PEX1: variants seen among roughly 807,000 people sequenced by gnomAD.
The protein encoded by PEX1 is peroxisomal ATPase PEX1.
PEX1 carries 97 observed loss-of-function variants against 152.5 expected under a neutral mutation model. That is an observed-to-expected ratio of 0.64 (90% confidence interval 0.54 to 0.75). The LOEUF (loss-of-function observed/expected upper bound fraction) is 0.75. Ranked by LOEUF, PEX1 falls within the 30% of genes least tolerant of loss-of-function variation. The pLI is 0.00. For synonymous variants in PEX1, 485 were observed against 531.6 expected (o/e 0.91, Z 1.21); for missense variants, 1,357 against 1,516.3 (o/e 0.89, Z 1.74).
chr7:92,515,723 G>A lies in PEX1; in HGVS notation c.1239+1553C>T, dbSNP rs147557377. 7.3e-3 allele frequency among the ~76,000 whole-genome samples: 1,113 copies of A among 152,328 alleles called. 16 individuals carry two copies. Among genetic ancestry groups the A allele is most frequent in the African/African-American group, 0.025 (1,057 of 41,560 alleles). ...AAATAATGATCTGAGGCCAGGCACA[G>A]TGGCTCACGCCTGTAATCCCAGCAC... On this transcript the variant is annotated intron_variant, in intron 5 of 23. Transcript: ENST00000248633.
rs1325849353 is a variant in PEX1 at position 92,495,334 on chromosome 7, A to G, written c.2784-705T>C. Among the ~76,000 whole-genome samples the G allele has an allele frequency of 2.1e-4, 32 of 152,300 alleles. No homozygotes were observed. The East Asian group carries it at 6.0e-3, about 28-fold the overall frequency. The stretch of plus-strand genomic sequence containing the variant: ...GTCACGGTGATTGAAAAAAATCAAC[A>G]GCTATCTCATTAAATGCATGGCAAG... On this transcript the variant is annotated intron_variant, in intron 17 of 23. Coordinates refer to ENST00000248633, the MANE Select transcript of PEX1 (RefSeq NM_000466.3).
chr7:92,520,899 G>A (rs1009753874), intron 2 of PEX1, among the ~76,000 whole-genome samples: 1 of 152,218 alleles, frequency 6.6e-6, no homozygotes, highest in Non-Finnish European at 1.5e-5. Context: ...CCATTCTGAG[G>A]ATGGGACTGG....
At position 92,518,950 on chromosome 7, in the gene PEX1, G is replaced by A. The variant is rs750758799; in HGVS notation, c.357+45C>T. ...AAGCTAAAGACATTGATATTGTGAAGTAATTTAACCTTAAATGAGATAGTT... is the reference window on the plus strand; with the variant it reads ...AAGCTAAAGACATTGATATTGTGAAATAATTTAACCTTAAATGAGATAGTT... On this transcript the variant is annotated intron_variant, in intron 3 of 23. Transcript: ENST00000248633. The A allele has an allele frequency of 1.0e-5, 13 of 1,271,324 alleles. No homozygotes were observed. The East Asian group carries it at 1.2e-4, about 11-fold the overall frequency. The allele number at this position is 1,271,324 out of a possible 1,614,324, so 78.8% of individuals were successfully genotyped here. A position where few individuals can be genotyped will look rare whatever the true frequency, so the allele number is the denominator to read the frequency against.
In PEX1 at chr7:92,502,090, A is replaced by C. The variant is rs760316851; in HGVS notation, c.2227-11T>G. 3 of 1,569,220 alleles carry C rather than the reference A, an allele frequency of 1.9e-6. No individual in the cohort carries two copies. The South Asian group carries it at 3.4e-5, about 18-fold the overall frequency. On this transcript the variant is annotated splice_polypyrimidine_tract_variant and intron_variant, in intron 13 of 23. Transcript: ENST00000248633. ...TTCACATCTTTGTTCCTAAAGAAAAAAACACAAAATTCGAATTTCCAATTG... is the reference window on the plus strand; with the variant it reads ...TTCACATCTTTGTTCCTAAAGAAAACAACACAAAATTCGAATTTCCAATTG...
chr7:92,518,119 C>A, intron 4 of PEX1, 22 bp downstream of exon 4: 1 of 1,602,370 alleles, frequency 6.2e-7, no homozygotes. Context: ...AATATGACAG[C>A]AAATATTACA....
At chr7:92,515,076 T>TCC (rs2116227636) in intron 5 of PEX1, among the ~76,000 whole-genome samples, 2 of 418 alleles carry the variant, frequency 4.8e-3, no homozygotes, top group African/African-American at 0.018. Flanking sequence ...TCTATATATA[T>TCC]ATATATATAT....
chr7:92,497,762 G>A (rs1011132375), intron 16 of PEX1, among the ~76,000 whole-genome samples: 2 of 152,042 alleles, frequency 1.3e-5, no homozygotes, highest in Non-Finnish European at 2.9e-5. Flanking sequence ...AGGACTAGAG[G>A]AGGGAACAAG....
At position 92,499,782 on chromosome 7, in the gene PEX1, A is replaced by G. The variant is rs201719745; in HGVS notation, c.2640T>C (p.Tyr880=). 169 of 1,612,504 alleles carry G rather than the reference A, an allele frequency of 1.0e-4. No homozygotes were observed. The Admixed American group carries it at 1.1e-3, about 10-fold the overall frequency. Residue 880 remains tyrosine, a synonymous_variant, in exon 16 of 24, where the codon TAT becomes TAC. Coordinates refer to ENST00000248633, the MANE Select transcript of PEX1 (RefSeq NM_000466.3). The stretch of plus-strand genomic sequence containing the variant: ...AGGTTTTTCCTGTTCCAGGCGGACC[A>G]TACAACAGTATTCCTGTTCTTTGTC... ...PIRQRTGILL[Y]GPPGTGKTLL...
intron 6 of PEX1, among the ~76,000 whole-genome samples, chr7:92,513,095 A>C (rs1792556654): frequency 6.6e-6 from 1 of 152,166 alleles, no homozygotes; most frequent in Non-Finnish European, 1.5e-5. Context: ...CAAAATGATC[A>C]ATCTCTTAAA....
intron 5 of PEX1, among the ~76,000 whole-genome samples, chr7:92,516,060 G>GAGAAGAGAAGAGAAGAGAA (rs1562864877): frequency 1.3e-4 from 7 of 52,394 alleles, no homozygotes; most frequent in South Asian, 7.0e-4. Flanking sequence ...AGAGAAAAAA[G>GAGAAGAGAAGAGAAGAGAA]AAAAGAAAAG....
chr7:92,525,797 C>T (rs147154373), intron 1 of PEX1, among the ~76,000 whole-genome samples: 5 of 152,240 alleles, frequency 3.3e-5, no homozygotes, highest in African/African-American at 1.2e-4. Context: ...ACTTGAAACA[C>T]AGTACAGAGT....
At chr7:92,497,077 C>G (rs778858613) in intron 16 of PEX1, among the ~76,000 whole-genome samples, 1 of 152,174 alleles carries the variant, frequency 6.6e-6, no homozygotes, top group African/African-American at 2.4e-5. Flanking sequence ...CTATGACTCA[C>G]TCCAGTTACT....
chr7:92,518,023 G>A lies in PEX1; in HGVS notation c.492C>T (p.Ala164=). ...TGTCAGTTTCCAGCCTTCCATAAGA[G>A]GCAGCTGGTATTAGTGCAACTGTGT... ...FIQIVALIPA[A]SYGRLETDTK... Residue 164 remains alanine (A), a synonymous_variant, in exon 5 of 24, where the codon GCC becomes GCT. Coordinates refer to ENST00000248633, the MANE Select transcript of PEX1 (RefSeq NM_000466.3). 6.2e-7 allele frequency: 1 copy of A among 1,614,116 alleles called. No individual in the cohort carries two copies. The highest frequency in any genetic ancestry group is 8.5e-7 in the Non-Finnish European group (1 of 1,180,020).
intron 23 of PEX1, 135 bp from the exon 24 acceptor site, chr7:92,487,676 C>A (rs1049773860): frequency 1.5e-5 from 7 of 466,240 alleles, no homozygotes; most frequent in Admixed American, 3.9e-5. Context: ...AAATTCCAGT[C>A]ACAGAAATTA....
At position 92,499,901 on chromosome 7, in the gene PEX1, C is replaced by A. The variant is rs192102896; in HGVS notation, c.2584-63G>T. 6.0e-4 allele frequency: 815 copies of A among 1,354,622 alleles called. 6 individuals carry two copies. The African/African-American group carries it at 0.011, about 18-fold the overall frequency. 83.9% of individuals were successfully genotyped at this position (1,354,622 alleles called of 1,614,324 possible). On this transcript the variant is annotated intron_variant, in intron 15 of 23. Transcript: ENST00000248633. The stretch of plus-strand genomic sequence containing the variant: ...AGTCTAAACAGAAATGACTAAGTAG[C>A]AGCTAAAGATCAATGTATAGAAAAA...
At chr7:92,491,537 G>C in intron 20 of PEX1, 35 bp from the exon 21 acceptor site, 1 of 1,282,024 alleles carries the variant, frequency 7.8e-7, no homozygotes, top group Non-Finnish European at 1.1e-6. Context: ...GTTTAAAGAT[G>C]TAAACAATTT....
intron 2 of PEX1, among the ~76,000 whole-genome samples, chr7:92,521,876 T>A (rs1199677324): frequency 6.6e-6 from 1 of 151,800 alleles, no homozygotes; most frequent in East Asian, 1.9e-4. Context: ...ATGTGGAAAA[T>A]GAGTTAAATA....
At chr7:92,487,977 A>G (rs919739811) in intron 23 of PEX1, among the ~76,000 whole-genome samples, 2 of 152,330 alleles carry the variant, frequency 1.3e-5, no homozygotes, top group South Asian at 4.1e-4. Context: ...CTGTTATACA[A>G]TTCCACCTCT....
In PEX1 at chr7:92,517,653, T is replaced by G. The variant is rs754695892; in HGVS notation, c.862A>C (p.Arg288=). ...SKVVPLDNIF[R]VCKSQPPSIY... The stretch of plus-strand genomic sequence containing the variant: ...CTAGGAGGTTGAGATTTGCATACTC[T>G]GAAAATATTGTCTAGAGGAACAACC... The change falls in exon 5 of 24, where the codon AGA becomes CGA. Residue 288 remains arginine (R), a synonymous_variant. Coordinates refer to ENST00000248633, the MANE Select transcript of PEX1 (RefSeq NM_000466.3). 7 of 1,613,920 alleles carry G rather than the reference T, an allele frequency of 4.3e-6. No individual in the cohort carries two copies. The highest frequency in any genetic ancestry group is 1.7e-5 in the Admixed American group (1 of 60,000).
Sources: gnomAD v4.1 joint callset for allele counts (sites outside exome capture counted in the v4.1 genomes callset) on GRCh38, gnomAD v4.1.1 for gene constraint, MANE v1.5 for transcripts, NCBI Gene and HGNC (gene_info 2026-07-23, HGNC 2026-07-21) for gene names.